ANK3: variants seen among roughly 807,000 people sequenced by gnomAD.
ANK3 encodes the protein ankyrin-3.
A neutral mutation model predicts 370.9 loss-of-function variants in ANK3; 57 were observed. The ratio of observed to expected loss-of-function variants is 0.15; its 90% CI spans 0.12 to 0.19. ANK3 has a LOEUF of 0.19. Among genes scored for constraint, ANK3 ranks in the 10% least tolerant of loss-of-function variants. The pLI is 1.00. For synonymous variants in ANK3, 1,929 were observed against 1,946.3 expected (o/e 0.99, Z 0.23); for missense variants, 4,439 against 5,302.1 (o/e 0.84, Z 5.06).
At chr10:60,547,465 G>A (rs762243912) in intron 2 of ANK3, among the ~76,000 whole-genome samples, 8 of 151,664 alleles carry the variant, frequency 5.3e-5, no homozygotes, top group Admixed American at 2.0e-4. Flanking sequence ...GCGCGATCTC[G>A]GCTCACTGCA....
intron 1 of ANK3, among the ~76,000 whole-genome samples, chr10:60,616,825 G>A (rs776943676): frequency 5.0e-4 from 76 of 152,170 alleles, no homozygotes; most frequent in Non-Finnish European, 8.4e-4. Flanking sequence ...GTGTAGGCAA[G>A]TGCCCATTTC....
At chr10:60,599,034 T>A (rs2078025876) in intron 2 of ANK3, among the ~76,000 whole-genome samples, 1 of 152,058 alleles carries the variant, frequency 6.6e-6, no homozygotes, top group Admixed American at 6.5e-5. Flanking sequence ...GCTCAAGCAA[T>A]CCTCCCACCT....
chr10:60,148,991 C>G (rs141340609), intron 23 of ANK3, among the ~76,000 whole-genome samples: 1 of 152,322 alleles, frequency 6.6e-6, no homozygotes, highest in African/African-American at 2.4e-5. Flanking sequence ...TACAGGAACA[C>G]GTTAATCACT....
intron 1 of ANK3, among the ~76,000 whole-genome samples, chr10:60,315,684 T>C (rs866413140): frequency 1.3e-5 from 2 of 152,204 alleles, no homozygotes; most frequent in African/African-American, 4.8e-5. Context: ...CTTGTTTAAT[T>C]TTTTTTCCAC....
At chr10:60,434,997 G>A (rs1052094461) in intron 2 of ANK3, among the ~76,000 whole-genome samples, 1 of 152,128 alleles carries the variant, frequency 6.6e-6, no homozygotes, top group Admixed American at 6.5e-5. Flanking sequence ...ATTGGGCAAC[G>A]AACTATAAGC....
At chr10:60,542,521 T>C (rs889556862) in intron 2 of ANK3, among the ~76,000 whole-genome samples, 1 of 151,940 alleles carries the variant, frequency 6.6e-6, no homozygotes, top group African/African-American at 2.4e-5. Flanking sequence ...AAATACCTTA[T>C]AGCAGATGTG....
intron 1 of ANK3, among the ~76,000 whole-genome samples, chr10:60,377,681 G>A (rs2060979393): frequency 6.6e-6 from 1 of 152,196 alleles, no homozygotes. Flanking sequence ...CCAAATGCAT[G>A]AATCTTATAT....
At position 60,554,355 on chromosome 10, in the gene ANK3, C is replaced by T. The variant is rs146133964; in HGVS notation, c.96+60831G>A. Among the ~76,000 whole-genome samples, 58 of 152,254 alleles carry T rather than the reference C, an allele frequency of 3.8e-4. 1 individual carries two copies. Among genetic ancestry groups the T allele is most frequent in the African/African-American group, 1.4e-3 (57 of 41,546 alleles). On this transcript the variant is annotated intron_variant, in intron 2 of 43. Transcript: ENST00000373827. Reference sequence around the variant, plus strand: ...AGGGAACCCAGGACAGCATGTTGCACCATAAACGCAGGTAAGCACAGGTGG... The same window carrying T: ...AGGGAACCCAGGACAGCATGTTGCATCATAAACGCAGGTAAGCACAGGTGG...
intron 7 of ANK3, among the ~76,000 whole-genome samples, chr10:60,235,670 G>A (rs534078251): frequency 9.3e-5 from 14 of 150,552 alleles, no homozygotes; most frequent in Admixed American, 3.3e-4. Flanking sequence ...CAAGTAGCTG[G>A]AACTACAGGT....
intron 2 of ANK3, among the ~76,000 whole-genome samples, chr10:60,510,525 G>A (rs1339603691): frequency 6.6e-6 from 1 of 152,134 alleles, no homozygotes; most frequent in African/African-American, 2.4e-5. Context: ...ATTTAGAAAT[G>A]TAGCGTCAGA....
chr10:60,080,956 AG>A (rs1438195160), intron 35 of ANK3, among the ~76,000 whole-genome samples: 1 of 152,360 alleles, frequency 6.6e-6, no homozygotes, highest in East Asian at 1.9e-4. Context: ...AGTACATTCA[AG>A]GGAGAAAGGC....
At chr10:60,673,571 C>G (rs1469035473) in intron 1 of ANK3, among the ~76,000 whole-genome samples, 1 of 152,050 alleles carries the variant, frequency 6.6e-6, no homozygotes, top group African/African-American at 2.4e-5. Flanking sequence ...AGGCTGGTCT[C>G]GAACTCCTGA....
At chr10:60,160,182 A>C (rs1483820587) in intron 23 of ANK3, among the ~76,000 whole-genome samples, 1 of 152,046 alleles carries the variant, frequency 6.6e-6, no homozygotes, top group Non-Finnish European at 1.5e-5. Context: ...AAAAAAGAGA[A>C]GACCCAAATA....
chr10:60,508,751 G>C (rs139172099), intron 2 of ANK3: 1 of 152,268 alleles, frequency 6.6e-6, no homozygotes, highest in East Asian at 1.9e-4. Flanking sequence ...AAATATAACT[G>C]TGTGGCCTTT....
intron 7 of ANK3, among the ~76,000 whole-genome samples, chr10:60,254,232 GT>G (rs72095634): frequency 0.035 from 5,161 of 145,908 alleles, 280 homozygotes; most frequent in African/African-American, 0.12. Flanking sequence ...CTTTTTTATT[GT>G]TTTTTTTTTC....
At chr10:60,496,602 T>C (rs2075662313) in intron 2 of ANK3, among the ~76,000 whole-genome samples, 1 of 151,776 alleles carries the variant, frequency 6.6e-6, no homozygotes, top group Non-Finnish European at 1.5e-5. Context: ...CATACAAACA[T>C]TAGCTTTTCT....
intron 2 of ANK3, among the ~76,000 whole-genome samples, chr10:60,587,848 T>C (rs1272105317): frequency 6.6e-6 from 1 of 152,188 alleles, no homozygotes; most frequent in Non-Finnish European, 1.5e-5. Context: ...CAAGTTTTTC[T>C]ATGTCAAAAT....
intron 4 of ANK3, among the ~76,000 whole-genome samples, chr10:60,273,297 CA>C (rs544388044): frequency 6.6e-4 from 100 of 152,262 alleles, no homozygotes; most frequent in Middle Eastern, 3.4e-3. Context: ...ATTTTCTGAA[CA>C]GTTACATACT....
At chr10:60,117,415 G>C (rs1262457741) in intron 25 of ANK3, among the ~76,000 whole-genome samples, 1 of 152,228 alleles carries the variant, frequency 6.6e-6, no homozygotes, top group African/African-American at 2.4e-5. Context: ...TGAACACATT[G>C]AGAGATTTGT....
Sources: allele counts gnomAD v4.1 joint callset (sites outside exome capture counted in the v4.1 genomes callset), GRCh38; gene constraint gnomAD v4.1.1; transcripts MANE v1.5; gene names NCBI Gene and HGNC (gene_info 2026-07-23, HGNC 2026-07-21).